Variants in NPIPB8 observed in about 807,000 individuals in gnomAD.
NPIPB8 encodes the protein nuclear pore complex interacting protein family member B8, also known as nuclear pore complex-interacting protein family member B8.
In NPIPB8, 3 loss-of-function variants were observed where a neutral mutation model predicts 5.3. That is an observed-to-expected ratio of 0.57 (90% CI 0.26 to 1.47). The LOEUF is 1.47. NPIPB8 is among the 40% of genes most tolerant of loss of function. The pLI is 0.13. For missense variants in NPIPB8, 50 were observed against 50.2 expected, an observed-to-expected ratio of 1.00 and a Z score of 0.01; for synonymous variants, 18 against 23.0, an observed-to-expected ratio of 0.78 and a Z score of 0.62.
At chr16:28,643,064 C>G (rs529661358) in intron 2 of NPIPB8, among the ~76,000 whole-genome samples, 1 of 151,918 alleles carries the variant, frequency 6.6e-6, no homozygotes, top group South Asian at 2.1e-4. Context: ...TCACCAGACC[C>G]CTGGGTCCTG....
intron 2 of NPIPB8, among the ~76,000 whole-genome samples, chr16:28,644,358 T>C (rs1298036461): frequency 1.8e-5 from 2 of 113,812 alleles, no homozygotes; most frequent in East Asian, 2.8e-4. Flanking sequence ...CTTCTCCTCC[T>C]CCTCCTCCAC....
At chr16:28,640,572 A>G (rs117313280) in intron 2 of NPIPB8, among the ~76,000 whole-genome samples, 36,261 of 151,856 alleles carry the variant, frequency 0.24, 4,747 homozygotes, top group Non-Finnish European at 0.29. Flanking sequence ...TACTTGGTGG[A>G]CTCCATTAAG....
chr16:28,643,017 G>T (rs186893551), intron 2 of NPIPB8, among the ~76,000 whole-genome samples: 197 of 152,272 alleles, frequency 1.3e-3, no homozygotes, highest in Admixed American at 2.0e-3. Flanking sequence ...TGAGGACAGG[G>T]CCAGGAAAGG....
intron 2 of NPIPB8, among the ~76,000 whole-genome samples, chr16:28,642,012 G>A (rs1350545919): frequency 1.3e-5 from 2 of 150,324 alleles, no homozygotes; most frequent in Non-Finnish European, 2.9e-5. Context: ...GGACATTATA[G>A]TACTCTCTGC....
At position 28,638,342 on chromosome 16, in the gene NPIPB8, C is replaced by G; in HGVS notation, c.-19C>G. 6.4e-7 allele frequency: 1 copy of G among 1,564,346 alleles called. No individual in the cohort carries two copies. The highest frequency in any genetic ancestry group is 8.6e-7 in the Non-Finnish European group (1 of 1,162,572). On this transcript the variant is annotated 5_prime_UTR_variant, in exon 2 of 8. Transcript: ENST00000683297. ...TAATAGGTTGGCACTCATCATGAGC[C>G]CCTGTTCTCATTCTGCAAATGGTGA...
At chr16:28,639,103 A>G (rs1241784473) in intron 2 of NPIPB8, among the ~76,000 whole-genome samples, 3 of 149,148 alleles carry the variant, frequency 2.0e-5, no homozygotes, top group Non-Finnish European at 4.4e-5. Flanking sequence ...AAAATTTGAA[A>G]AGGAAATTCA....
chr16:28,655,772 C>CT (rs2048104445), intron 5 of NPIPB8, among the ~76,000 whole-genome samples: 2 of 80,396 alleles, frequency 2.5e-5, no homozygotes, highest in Non-Finnish European at 4.7e-5. Context: ...CAACCACATC[C>CT]TTCAAAAGGA....
chr16:28,644,273 G>C lies in NPIPB8; in HGVS notation c.121-3862G>C, dbSNP rs1224171921. On this transcript the variant is annotated intron_variant, in intron 2 of 7. Coordinates refer to ENST00000683297, the MANE Select transcript of NPIPB8 (RefSeq NM_001310136.2). ...TCCTGTTGCTTCCCTGATCTTCTCC[G>C]TGACCTGTAGCTAAACCTTCCACCA... Among the ~76,000 whole-genome samples, 2 of 101,380 alleles carry C rather than the reference G, an allele frequency of 2.0e-5. 1 individual carries two copies. Among genetic ancestry groups the C allele is most frequent in the African/African-American group, 1.0e-4 (2 of 19,186 alleles). The allele number at this position is 101,380 out of a possible 152,430, so 66.5% of individuals were successfully genotyped here. A position where few individuals can be genotyped will look rare whatever the true frequency, so the allele number is the denominator to read the frequency against.
Position 28,638,424 on chromosome 16 carries a change from A to G in NPIPB8, c.64A>G (p.Lys22Glu), listed in dbSNP as rs1442110974. ...FLSHDQGQLT[K>E]ELQQHVKSVT... ...GTCCCATGACCAGGGCCAGCTCACC[A>G]AGGAGCTGCAGCAGCATGTAAAGTC... The change falls in exon 2 of 8, where the codon AAG becomes GAG. Residue 22 changes from lysine (K) to glutamate (E), a missense_variant. Physicochemically the swap from Lys to Glu is moderately conservative, Grantham distance 56 (BLOSUM62 1). Coordinates refer to ENST00000683297, the MANE Select transcript of NPIPB8 (RefSeq NM_001310136.2). The G allele has an allele frequency of 3.8e-6, 6 of 1,571,624 alleles. No individual in the cohort carries two copies. The highest frequency in any genetic ancestry group is 5.1e-6 in the Non-Finnish European group (6 of 1,166,310).
In NPIPB8 at chr16:28,653,095, CAG is replaced by C. The variant is rs1205275174; in HGVS notation, c.599+734_599+735del. 1.1e-4 allele frequency among the ~76,000 whole-genome samples: 11 copies of C among 96,540 alleles called. 2 individuals carry two copies. The highest frequency in any genetic ancestry group is 3.8e-4 in the African/African-American group (9 of 23,778). 63.3% of individuals were successfully genotyped at this position (96,540 alleles called of 152,430 possible). Reference sequence around the variant, plus strand: ...CAATTTTTTTTTTTTTTTTTTGAGACAGAGTCTCACTCTGTCACCCAGGCTAG... The same window carrying C: ...CAATTTTTTTTTTTTTTTTTTGAGACAGTCTCACTCTGTCACCCAGGCTAG... On this transcript the variant is annotated intron_variant, in intron 5 of 7. Coordinates refer to ENST00000683297, the MANE Select transcript of NPIPB8 (RefSeq NM_001310136.2).
At chr16:28,642,128 T>G (rs2047908961) in intron 2 of NPIPB8, among the ~76,000 whole-genome samples, 2 of 149,354 alleles carry the variant, frequency 1.3e-5, no homozygotes. Flanking sequence ...TGAGACAGAG[T>G]CTCATTCCAT....
intron 2 of NPIPB8, among the ~76,000 whole-genome samples, chr16:28,641,485 C>T (rs1298737923): frequency 7.0e-6 from 1 of 142,256 alleles, no homozygotes; most frequent in Non-Finnish European, 1.6e-5. Context: ...GGAGTCCTAC[C>T]ACTCAGCTAT....
At chr16:28,645,332 A>T (rs371374280) in intron 2 of NPIPB8, among the ~76,000 whole-genome samples, 1 of 81,838 alleles carries the variant, frequency 1.2e-5, no homozygotes, top group African/African-American at 4.6e-5. Flanking sequence ...TGGCCAAAAT[A>T]TATAACCTTA....
At chr16:28,645,162 G>A (rs2047979297) in intron 2 of NPIPB8, among the ~76,000 whole-genome samples, 1 of 134,418 alleles carries the variant, frequency 7.4e-6, no homozygotes, top group African/African-American at 2.7e-5. Flanking sequence ...TCCTGCCCCA[G>A]CCTCCTGAGT....
rs995396101 is a variant in NPIPB8 at position 28,641,569 on chromosome 16, G to A, written c.120+3089G>A. ...ACCTTCTGGCCTTCCCTCATCAGCC[G>A]TAAATGATGATTTACTGCTGTTACC... is the stretch of plus-strand genomic sequence containing the variant. On this transcript the variant is annotated intron_variant, in intron 2 of 7. Coordinates refer to ENST00000683297, the MANE Select transcript of NPIPB8 (RefSeq NM_001310136.2). Among the ~76,000 whole-genome samples the A allele has an allele frequency of 8.5e-5, 12 of 140,682 alleles. 2 individuals are homozygous for A. Among genetic ancestry groups the A allele is most frequent in the Non-Finnish European group, 1.4e-4 (9 of 62,256 alleles). The allele number at this position is 140,682 out of a possible 152,430, so 92.3% of individuals were successfully genotyped here.
Position 28,638,364 on chromosome 16 carries a change from G to A in NPIPB8, c.4G>A (p.Val2Met), listed in dbSNP as rs1416855618. The A allele has an allele frequency of 2.6e-5, 41 of 1,567,888 alleles. No individual in the cohort carries two copies. The highest frequency in any genetic ancestry group is 3.3e-5 in the Non-Finnish European group (38 of 1,164,382). ...AGCCCCTGTTCTCATTCTGCAAATG[G>A]TGAAGCTCTCTATTGTCCTGACCCC... M[V>M]KLSIVLTPQF... The change falls in exon 2 of 8, where the codon GTG (valine) becomes ATG (methionine). Residue 2 changes from valine (V) to methionine (M), a missense_variant. Transcript: ENST00000683297.
chr16:28,652,838 G>A (rs1429711723), intron 5 of NPIPB8, among the ~76,000 whole-genome samples: 1 of 136,628 alleles, frequency 7.3e-6, no homozygotes, highest in East Asian at 2.0e-4. Context: ...CTGACCTCAG[G>A]TAATCCACCT....
chr16:28,643,080 C>T (rs1228916955), intron 2 of NPIPB8, among the ~76,000 whole-genome samples: 1 of 151,606 alleles, frequency 6.6e-6, no homozygotes, highest in Non-Finnish European at 1.5e-5. Flanking sequence ...TCCTGCCCAC[C>T]TGCTTGGAGC....
intron 2 of NPIPB8, among the ~76,000 whole-genome samples, chr16:28,644,838 T>A (rs1357224064): frequency 1.1e-5 from 1 of 91,146 alleles, no homozygotes; most frequent in Non-Finnish European, 2.3e-5. Flanking sequence ...CTACAAAAAA[T>A]TCCAAAAAAG....
Sources: gnomAD v4.1 joint callset for allele counts (sites outside exome capture counted in the v4.1 genomes callset) on GRCh38, gnomAD v4.1.1 for gene constraint, MANE v1.5 for transcripts, NCBI Gene and HGNC (gene_info 2026-07-23, HGNC 2026-07-21) for gene names.